The following LRP2 variants were observed in gnomAD, a reference collection of about 807,000 sequenced individuals.
The protein encoded by LRP2 is low-density lipoprotein receptor-related protein 2.
In LRP2, 172 loss-of-function variants were observed where a neutral mutation model predicts 531.0. That is an observed-to-expected ratio of 0.32 (90% CI 0.29 to 0.37). LRP2 has a LOEUF of 0.37. LRP2 is among the 10% of genes least tolerant of loss of function. The pLI is 1.00. For synonymous variants in LRP2, 1,992 were observed against 2,027.6 expected (o/e 0.98, Z 0.47); for missense variants, 5,167 against 5,868.3 (o/e 0.88, Z 3.90).
chr2:169,159,137 G>A (rs1347145080), intron 63 of LRP2, among the ~76,000 whole-genome samples: 1 of 152,106 alleles, frequency 6.6e-6, no homozygotes, highest in African/African-American at 2.4e-5. Context: ...TGATAATGGG[G>A]GAAAGAGAGG....
At chr2:169,299,126 AGAAAGAAAGAAAGAAAGAAAGAAAGAAAG>A (rs1415515867) in intron 4 of LRP2, among the ~76,000 whole-genome samples, 6 of 110,598 alleles carry the variant, frequency 5.4e-5, no homozygotes, top group African/African-American at 2.0e-4. Context: ...AAAGAAAGAA[AGAAAGAAAGAAAGAAAGAAAGAAAGAAAG>A]AAAAAAAGAA....
intron 63 of LRP2, among the ~76,000 whole-genome samples, chr2:169,161,245 G>A (rs763333903): frequency 1.3e-5 from 2 of 152,168 alleles, no homozygotes; most frequent in Non-Finnish European, 2.9e-5. Flanking sequence ...AGCTCTCTGA[G>A]CTTTATTACA....
chr2:169,325,138 T>G (rs1434528346), intron 1 of LRP2, among the ~76,000 whole-genome samples: 1 of 152,078 alleles, frequency 6.6e-6, no homozygotes, highest in African/African-American at 2.4e-5. Flanking sequence ...CCTTGTAAGT[T>G]TCTTTCTCCT....
chr2:169,328,970 G>A (rs1018191462), intron 1 of LRP2, among the ~76,000 whole-genome samples: 16 of 152,188 alleles, frequency 1.1e-4, no homozygotes, highest in Admixed American at 7.8e-4. Context: ...AGATGAGGAC[G>A]ACAAGGCTTG....
intron 1 of LRP2, among the ~76,000 whole-genome samples, chr2:169,338,291 A>AAAGGAAGG (rs60697057): frequency 1.4e-5 from 2 of 143,984 alleles, no homozygotes; most frequent in Non-Finnish European, 3.0e-5. Flanking sequence ...AAGAAAGAAA[A>AAAGGAAGG]AAGGAAGGAA....
At chr2:169,237,336 T>C (rs1689643803) in intron 27 of LRP2, 49 bp from the exon 28 acceptor site, 2 of 1,295,214 alleles carry the variant, frequency 1.5e-6, no homozygotes, top group African/African-American at 1.5e-5. Flanking sequence ...AATAAATGAA[T>C]GCAAACATGG....
Position 169,168,552 on chromosome 2 carries a change from T to C in LRP2, c.11622A>G (p.Glu3874=). ...DDDCGDGSDE[E]LHLCLDVPCN... is the part of the protein sequence containing the mutation. ...TCTCCCTCTTACAGCACAGGTGAAG[T>C]TCTTCATCTGAACCATCGCCACAGT... Residue 3874 remains glutamate (E), a synonymous_variant, in exon 61 of 79, where the codon GAA becomes GAG. Coordinates refer to ENST00000649046, the MANE Select transcript of LRP2 (RefSeq NM_004525.3). The C allele has an allele frequency of 6.2e-7, 1 of 1,614,044 alleles. No homozygotes were observed. Among genetic ancestry groups the C allele is most frequent in the Non-Finnish European group, 8.5e-7 (1 of 1,179,952 alleles).
At chr2:169,220,650 A>G in intron 33 of LRP2, 87 bp from the exon 34 acceptor site, 1 of 844,466 alleles carries the variant, frequency 1.2e-6, no homozygotes, top group Non-Finnish European at 2.0e-6. Context: ...GTACAAAACA[A>G]ATTCCAAAGC....
chr2:169,353,896 G>A (rs756770822), intron 1 of LRP2, among the ~76,000 whole-genome samples: 11 of 152,118 alleles, frequency 7.2e-5, no homozygotes, highest in Admixed American at 2.0e-4. Flanking sequence ...GGGGTTAAGC[G>A]GAGAGGATCT....
At chr2:169,157,588 C>G in intron 63 of LRP2, 86 bp from the exon 64 acceptor site, 1 of 1,475,474 alleles carries the variant, frequency 6.8e-7, no homozygotes, top group Admixed American at 1.7e-5. Context: ...CTACTCGTAA[C>G]CAACTATAGG....
At chr2:169,301,579 T>C (rs1243621906) in intron 4 of LRP2, among the ~76,000 whole-genome samples, 1 of 152,074 alleles carries the variant, frequency 6.6e-6, no homozygotes, top group Non-Finnish European at 1.5e-5. Flanking sequence ...CAATACCTTA[T>C]GCATATAAAG....
At chr2:169,328,308 G>A (rs1260056851) in intron 1 of LRP2, among the ~76,000 whole-genome samples, 2 of 129,964 alleles carry the variant, frequency 1.5e-5, no homozygotes, top group Non-Finnish European at 3.4e-5. Context: ...CCCCCCGCCC[G>A]GCCAGACGCC....
In LRP2 at chr2:169,169,748, G is replaced by A. The variant is rs745376364; in HGVS notation, c.11451C>T (p.Cys3817=). The change falls in exon 60 of 79, where the codon TGC becomes TGT. Residue 3817 remains cysteine, a synonymous_variant. Transcript: ENST00000649046. ...SGHCVHSELK[C]DGSADCLDAS... ...CATCCAAACAGTCAGCGGATCCATCGCATTTCAGTTCACTGTGTACACAAT... is the reference window on the plus strand; with the variant it reads ...CATCCAAACAGTCAGCGGATCCATCACATTTCAGTTCACTGTGTACACAAT... The A allele has an allele frequency of 1.5e-5, 24 of 1,613,966 alleles. No homozygotes were observed. The highest frequency in any genetic ancestry group is 1.9e-5 in the Non-Finnish European group (22 of 1,179,966).
intron 63 of LRP2, 41 bp from the exon 64 acceptor site, chr2:169,157,543 C>A: frequency 1.2e-6 from 2 of 1,608,502 alleles, no homozygotes; most frequent in South Asian, 2.2e-5. Context: ...AGATCAGCCA[C>A]AAATAACAGT....
chr2:169,131,989 C>A (rs1261566601), intron 77 of LRP2, among the ~76,000 whole-genome samples: 4 of 152,156 alleles, frequency 2.6e-5, no homozygotes, highest in Non-Finnish European at 4.4e-5. Flanking sequence ...TTAAGAAGCT[C>A]CATCTAGTGG....
At chr2:169,258,910 T>C (rs990957670) in intron 17 of LRP2, 115 bp downstream of exon 17, 1 of 943,192 alleles carries the variant, frequency 1.1e-6, no homozygotes, top group African/African-American at 1.7e-5. Context: ...TGATTTCAAC[T>C]TATACAGTTC....
chr2:169,268,582 A>G (rs977341496), intron 16 of LRP2, among the ~76,000 whole-genome samples: 15 of 152,354 alleles, frequency 9.8e-5, no homozygotes, highest in South Asian at 2.1e-4. Context: ...TCAATAAACT[A>G]GGTATTGATG....
chr2:169,320,721 C>T, intron 2 of LRP2, 56 bp downstream of exon 2: 5 of 1,392,278 alleles, frequency 3.6e-6, no homozygotes, highest in South Asian at 1.2e-5. Context: ...GCTGAAATCA[C>T]CAGGAAGCAC....
chr2:169,185,929 C>A lies in LRP2; in HGVS notation c.9419G>T (p.Gly3140Val). Residue 3140 changes from glycine to valine, a missense_variant, in exon 50 of 79, where the codon GGT becomes GTT. Physicochemically the swap from Gly to Val is moderately radical, Grantham distance 109. Around this residue, in one of 6 missense-constraint regions of LRP2, gnomAD observed 1,129 missense variants for 1,362.7 expected, o/e 0.83. Coordinates refer to ENST00000649046, the MANE Select transcript of LRP2 (RefSeq NM_004525.3). ...LTSFYCSCRP[G>V]YKLMSDKRTC... ...CCGCTTGTCAGACATGAGCTTGTAA[C>A]CAGGACGACAGGAACAATAGAAACT... 1.2e-6 allele frequency: 2 copies of A among 1,613,900 alleles called. No individual in the cohort carries two copies. Among genetic ancestry groups the A allele is most frequent in the Admixed American group, 1.7e-5 (1 of 59,994 alleles).
Sources: allele counts gnomAD v4.1 joint callset (sites outside exome capture counted in the v4.1 genomes callset), GRCh38; gene constraint gnomAD v4.1.1; regional missense constraint gnomAD v4.1.1; transcripts MANE v1.5; gene names NCBI Gene and HGNC (gene_info 2026-07-23, HGNC 2026-07-21).